Variants in DRC8 observed in about 807,000 individuals in gnomAD.
DRC8 encodes the protein dynein regulatory complex subunit 8.
chr1:245,018,430 G>A, the DRC8 span, among the ~76,000 whole-genome samples: 1 of 152,154 alleles, frequency 6.6e-6, no homozygotes, highest in South Asian at 2.1e-4. Context: ...GCACCATACA[G>A]CTCCGGTGGC....
the DRC8 span, chr1:244,970,291 T>C: frequency 1.6e-6 from 1 of 612,658 alleles, no homozygotes; most frequent in Admixed American, 2.6e-5. Flanking sequence ...CGCCCAAGGG[T>C]CTTCCTCCCC....
chr1:245,054,555 C>T, the DRC8 span, among the ~76,000 whole-genome samples: 3 of 152,264 alleles, frequency 2.0e-5, no homozygotes, highest in Admixed American at 2.0e-4. Context: ...TCCTTAGCCT[C>T]CACGCCCCGG....
At chr1:245,070,256 G>T in the DRC8 span, among the ~76,000 whole-genome samples, 1 of 151,930 alleles carries the variant, frequency 6.6e-6, no homozygotes, top group Non-Finnish European at 1.5e-5. Context: ...GAGTGCAATC[G>T]CTTCCTAATA....
the DRC8 span, among the ~76,000 whole-genome samples, chr1:244,989,722 T>C: frequency 6.6e-6 from 1 of 152,278 alleles, no homozygotes; most frequent in African/African-American, 2.4e-5. Flanking sequence ...GAGTTATGCT[T>C]CCCTCCTTGA....
chr1:245,013,811 A>C, the DRC8 span, among the ~76,000 whole-genome samples: 1 of 152,024 alleles, frequency 6.6e-6, no homozygotes, highest in Admixed American at 6.6e-5. Context: ...CAGTTGGATC[A>C]TTTGAGGTCA....
chr1:244,979,409 G>A, the DRC8 span, among the ~76,000 whole-genome samples: 4 of 139,236 alleles, frequency 2.9e-5, no homozygotes, highest in Admixed American at 8.3e-5. Context: ...GGGTTCAAGC[G>A]ATTCTTATGT....
chr1:245,059,371 C>CT, the DRC8 span: 22,368 of 1,389,764 alleles, frequency 0.016, 47 homozygotes, highest in Non-Finnish European at 0.019. Flanking sequence ...CCATTGAAAA[C>CT]TTTTTTTTTT....
chr1:245,011,321 A>G, the DRC8 span, among the ~76,000 whole-genome samples: 1 of 152,358 alleles, frequency 6.6e-6, no homozygotes, highest in African/African-American at 2.4e-5. Context: ...TTGATAAGCA[A>G]TCATCTTCTT....
At chr1:244,972,791 T>A in the DRC8 span, among the ~76,000 whole-genome samples, 2 of 145,122 alleles carry the variant, frequency 1.4e-5, no homozygotes, top group South Asian at 4.3e-4. Flanking sequence ...CACTCCAGCC[T>A]GGCGACAGAG....
chr1:245,124,310 C>T, the DRC8 span: 2 of 152,260 alleles, frequency 1.3e-5, no homozygotes, highest in African/African-American at 4.8e-5. Flanking sequence ...TTATCAGGCT[C>T]TTCTCATGGT....
the DRC8 span, among the ~76,000 whole-genome samples, chr1:245,081,893 C>G: frequency 1.3e-5 from 2 of 152,198 alleles, no homozygotes; most frequent in South Asian, 2.1e-4. Context: ...AGAGTATCAG[C>G]TGTGCTCCAG....
the DRC8 span, chr1:245,086,697 A>G: frequency 1.9e-6 from 1 of 532,310 alleles, no homozygotes; most frequent in Non-Finnish European, 3.9e-6. Flanking sequence ...TTCAAATCAT[A>G]ACACGTTTCA....
chr1:245,078,624 C>T, the DRC8 span, among the ~76,000 whole-genome samples: 2 of 151,860 alleles, frequency 1.3e-5, no homozygotes, highest in Non-Finnish European at 2.9e-5. Context: ...TTTCAAAAGT[C>T]AAACTCATGG....
At chr1:245,048,715 T>C in the DRC8 span, among the ~76,000 whole-genome samples, 97,839 of 151,932 alleles carry the variant, frequency 0.64, 31,758 homozygotes, top group East Asian at 0.73. Flanking sequence ...TACCTATTTA[T>C]ACATTTTATT....
the DRC8 span, among the ~76,000 whole-genome samples, chr1:245,032,966 A>G: frequency 6.6e-6 from 1 of 151,824 alleles, no homozygotes; most frequent in South Asian, 2.1e-4. Context: ...GACCAGCCTG[A>G]GCAACATTTC....
chr1:245,005,810 C>CA, the DRC8 span, among the ~76,000 whole-genome samples: 1 of 151,898 alleles, frequency 6.6e-6, no homozygotes, highest in Non-Finnish European at 1.5e-5. Context: ...GGGTACTTAA[C>CA]AAAAAAGAGA....
the DRC8 span, among the ~76,000 whole-genome samples, chr1:244,992,180 A>G: frequency 6.6e-6 from 1 of 152,238 alleles, no homozygotes; most frequent in Non-Finnish European, 1.5e-5. Flanking sequence ...AAAATGGCAA[A>G]GTATGAGAAG....
the DRC8 span, among the ~76,000 whole-genome samples, chr1:245,041,295 C>T: frequency 1.3e-5 from 2 of 151,456 alleles, no homozygotes; most frequent in East Asian, 1.9e-4. Context: ...GGCCAAATGA[C>T]GTAGAGCATT....
chr1:245,059,240 C>T, the DRC8 span: 5 of 624,350 alleles, frequency 8.0e-6, no homozygotes, highest in African/African-American at 7.6e-5. Context: ...CTTTTTCTTT[C>T]CCCAGAAAAC....
Sources: allele counts gnomAD v4.1 joint callset (sites outside exome capture counted in the v4.1 genomes callset), GRCh38; gene constraint gnomAD v4.1.1; transcripts MANE v1.5; gene names NCBI Gene and HGNC (gene_info 2026-07-23, HGNC 2026-07-21).